Variants in ZNF180 observed in about 807,000 individuals in gnomAD.
ZNF180 encodes the protein zinc finger protein 180.
Under a neutral mutation model 11.8 loss-of-function variants are expected in ZNF180, and 11 were observed. The observed-to-expected ratio is 0.93, with a 90% CI of 0.59 to 1.55. ZNF180 has a LOEUF of 1.55. Ranked by LOEUF, ZNF180 falls within the 40% of genes most tolerant of loss-of-function variation. The probability of loss-of-function intolerance (pLI) is 0.00; values close to 1 mark genes in which losing one functional copy is unlikely to be tolerated. For missense variants in ZNF180, 773 were observed against 781.7 expected (o/e 0.99, Z 0.13); for synonymous variants, 287 against 257.7 (o/e 1.11, Z -1.09).
chr19:44,479,194 C>A, intron 4 of ZNF180, 89 bp downstream of exon 4: 1 of 1,480,116 alleles, frequency 6.8e-7, no homozygotes. Flanking sequence ...CAAAATCATT[C>A]TGGCTGCTGA....
At chr19:44,490,181 AGG>A (rs1970415396) in intron 2 of ZNF180, among the ~76,000 whole-genome samples, 1 of 93,888 alleles carries the variant, frequency 1.1e-5, no homozygotes, top group Admixed American at 1.2e-4. Context: ...GGAGGGAGGG[AGG>A]GAGGGAGGGA....
intron 1 of ZNF180, among the ~76,000 whole-genome samples, chr19:44,498,442 T>C (rs1039322258): frequency 6.6e-6 from 1 of 152,110 alleles, no homozygotes; most frequent in African/African-American, 2.4e-5. Flanking sequence ...ACCCAAACTG[T>C]TTCCTCCACC....
chr19:44,497,245 C>T (rs1211913484), intron 2 of ZNF180, 39 bp downstream of exon 2: 5 of 1,514,262 alleles, frequency 3.3e-6, no homozygotes, highest in Non-Finnish European at 4.4e-6. Flanking sequence ...CTGAGAGGGT[C>T]AGGCTGCAGA....
intron 3 of ZNF180, among the ~76,000 whole-genome samples, chr19:44,481,042 C>A (rs575118608): frequency 1.6e-4 from 25 of 152,232 alleles, no homozygotes; most frequent in Non-Finnish European, 2.4e-4. Context: ...GTTATTACTG[C>A]CATATAAATG....
chr19:44,489,290 A>G (rs1243528967), intron 2 of ZNF180, among the ~76,000 whole-genome samples: 12 of 139,998 alleles, frequency 8.6e-5, no homozygotes, highest in Non-Finnish European at 1.4e-4. Context: ...GTTTTGTGGA[A>G]TAGAAAAGGG....
At chr19:44,479,498 A>C in intron 3 of ZNF180, 89 bp from the exon 4 acceptor site, 1 of 1,542,276 alleles carries the variant, frequency 6.5e-7, no homozygotes, top group South Asian at 1.2e-5. Flanking sequence ...TGGAAAAAGG[A>C]AAATTGGTGA....
chr19:44,491,519 T>C (rs1428855584), intron 2 of ZNF180, among the ~76,000 whole-genome samples: 1 of 152,250 alleles, frequency 6.6e-6, no homozygotes, highest in East Asian at 1.9e-4. Context: ...TGCCTAGTAT[T>C]TTTAGTAATA....
At chr19:44,479,541 A>G (rs1035209670) in intron 3 of ZNF180, 132 bp from the exon 4 acceptor site, 29 of 1,268,134 alleles carry the variant, frequency 2.3e-5, no homozygotes, top group Non-Finnish European at 2.8e-5. Flanking sequence ...TCAGTGCCCA[A>G]AAGATTCCAG....
At position 44,477,161 on chromosome 19, in the gene ZNF180, A is replaced by G. The variant is rs1969923475; in HGVS notation, c.1239T>C (p.Asn413=). ...TCTGCCTGAATGACTTTCCACACTG[A>G]TTGCATTCATAAGGCTTCTCCCCAG... ...THTGEKPYEC[N]QCGKSFRQSY... Residue 413 remains asparagine, a synonymous_variant, in exon 5 of 5, where the codon AAT becomes AAC. Coordinates refer to ENST00000592529, the MANE Select transcript of ZNF180 (RefSeq NM_001278509.3). The G allele has an allele frequency of 6.2e-7, 1 of 1,613,060 alleles. No homozygotes were observed. Among genetic ancestry groups the G allele is most frequent in the Admixed American group, 1.7e-5 (1 of 59,976 alleles).
At position 44,476,141 on chromosome 19, in the gene ZNF180, G is replaced by A. The variant is rs561535751; in HGVS notation, c.*261C>T. ...CTGAGTGCTTTCTGCAAGGAAAAGT[G>A]CCAGTATTTATTATTTTCATAGGAA... On this transcript the variant is annotated 3_prime_UTR_variant, in exon 5 of 5. Coordinates refer to ENST00000592529, the MANE Select transcript of ZNF180 (RefSeq NM_001278509.3). The A allele has an allele frequency of 4.2e-5, 14 of 331,710 alleles. No individual in the cohort carries two copies. In the South Asian group the frequency reaches 9.7e-4, roughly 23 times the overall value. The allele number at this position is 331,710 out of a possible 1,614,324, so 20.5% of individuals were successfully genotyped here.
Position 44,476,626 on chromosome 19 carries a change from ATGAACTCTGTC to A in ZNF180, c.1763_1773del (p.Arg588MetfsTer16). 1 of 1,614,030 alleles carries A rather than the reference ATGAACTCTGTC, an allele frequency of 6.2e-7. No homozygotes were observed. Among genetic ancestry groups the A allele is most frequent in the Non-Finnish European group, 8.5e-7 (1 of 1,179,954 alleles). On this transcript the variant is annotated frameshift_variant, in exon 5 of 5. Coordinates refer to ENST00000592529, the MANE Select transcript of ZNF180 (RefSeq NM_001278509.3). LOFTEE classifies it low-confidence loss of function (END_TRUNC). Reference sequence around the variant, plus strand: ...TGAGTTCTCTGATGTTGAGTAAGGCATGAACTCTGTCTGAAGGACTTCCCACATTGACTGCA... The same window carrying A: ...TGAGTTCTCTGATGTTGAGTAAGGCATGAAGGACTTCCCACATTGACTGCA...
chr19:44,489,070 C>T (rs1445448675), intron 2 of ZNF180, among the ~76,000 whole-genome samples: 1 of 130,702 alleles, frequency 7.7e-6, no homozygotes, highest in Admixed American at 7.8e-5. Flanking sequence ...GGTCAGCCCC[C>T]GCCCGGCCAG....
In ZNF180 at chr19:44,495,742, C is replaced by T. The variant is rs1244095430; in HGVS notation, c.51+1542G>A. ...CTGACACCCACATTGGGCTGCACCA[C>T]GTGCACAAGCGACTTCTTCATTCCA... On this transcript the variant is annotated intron_variant, in intron 2 of 4. Coordinates refer to ENST00000592529, the MANE Select transcript of ZNF180 (RefSeq NM_001278509.3). This position sits in a 1 kb window ranked among gnomAD's most constrained non-coding sequence, Gnocchi z 4.5. Among the ~76,000 whole-genome samples, 1 of 152,142 alleles carries T rather than the reference C, an allele frequency of 6.6e-6. No individual in the cohort carries two copies. The highest frequency in any genetic ancestry group is 2.4e-5 in the African/African-American group (1 of 41,424).
In ZNF180 at chr19:44,476,361, AGAAT is replaced by A. The variant is rs1307070870; in HGVS notation, c.*37_*40del. ...ACTACCTTAAAATAAATTTTTTAAA[AGAAT>A]GAAATAAAAAGGAAGAAATCCCAGC... is the stretch of plus-strand genomic sequence containing the variant. On this transcript the variant is annotated 3_prime_UTR_variant, in exon 5 of 5. Coordinates refer to ENST00000592529, the MANE Select transcript of ZNF180 (RefSeq NM_001278509.3). 4.0e-6 allele frequency: 6 copies of A among 1,506,752 alleles called. No individual in the cohort carries two copies. The highest frequency in any genetic ancestry group is 3.5e-6 in the Non-Finnish European group (4 of 1,128,072). The allele number at this position is 1,506,752 out of a possible 1,614,324, so 93.3% of individuals were successfully genotyped here. A position where few individuals can be genotyped will look rare whatever the true frequency, so the allele number is the denominator to read the frequency against.
chr19:44,476,929 C>A lies in ZNF180; in HGVS notation c.1471G>T (p.Glu491Ter). ...CACTGATTACATTCAAAGGGTTTTT[C>A]TCCTGTGTGAGTTCTCTGATGAGCA... ...LVAHQRTHTG[E>*]KPFECNQCGK... is the part of the protein sequence containing the mutation. Residue 491 changes from glutamate to a stop codon, truncating the protein, a stop_gained, in exon 5 of 5, where the codon GAA becomes TAA. Transcript: ENST00000592529. LOFTEE classifies it low-confidence loss of function (END_TRUNC). 6.2e-7 allele frequency: 1 copy of A among 1,614,066 alleles called. No individual in the cohort carries two copies. Among genetic ancestry groups the A allele is most frequent in the Non-Finnish European group, 8.5e-7 (1 of 1,180,002 alleles).
chr19:44,496,766 C>T (rs1970598875), intron 2 of ZNF180: 1 of 150,332 alleles, frequency 6.7e-6, no homozygotes, highest in South Asian at 2.1e-4. Context: ...TGTTTGTTAA[C>T]TGATTGCTAT....
chr19:44,492,897 G>A (rs1568435500), intron 2 of ZNF180, among the ~76,000 whole-genome samples: 2 of 152,158 alleles, frequency 1.3e-5, no homozygotes, highest in South Asian at 4.1e-4. Flanking sequence ...CTGGAAGGTG[G>A]AGCTCACATT....
In ZNF180 at chr19:44,500,377, C is replaced by G; in HGVS notation, c.-146G>C. 9.2e-7 allele frequency: 1 copy of G among 1,086,382 alleles called. No homozygotes were observed. The highest frequency in any genetic ancestry group is 2.3e-4 in the Middle Eastern group (1 of 4,310). The allele number at this position is 1,086,382 out of a possible 1,614,324, so 67.3% of individuals were successfully genotyped here. A position where few individuals can be genotyped will look rare whatever the true frequency, so the allele number is the denominator to read the frequency against. ...ACTCGGGTTAGGCAACCCCCTGCCC[C>G]GATTCTGCAACACGGCCGACTCGGG... On this transcript the variant is annotated 5_prime_UTR_variant, in exon 1 of 5. Coordinates refer to ENST00000592529, the MANE Select transcript of ZNF180 (RefSeq NM_001278509.3).
rs926308493 is a variant in ZNF180, at chr19:44,477,106, G to A, written c.1294C>T (p.His432Tyr). ...SYKLIAHQRT[H>Y]TGEKPYECNQ... is the part of the protein sequence containing the mutation. ...CATTCATAGGGCTTCTCTCCGGTAT[G>A]TGTTCTTTGATGTGCAATAAGTTTA... Residue 432 changes from histidine to tyrosine, a missense_variant, in exon 5 of 5, where the codon CAT (histidine) becomes TAT (tyrosine). Coordinates refer to ENST00000592529, the MANE Select transcript of ZNF180 (RefSeq NM_001278509.3). The A allele has an allele frequency of 1.9e-6, 3 of 1,613,908 alleles. No individual in the cohort carries two copies. The highest frequency in any genetic ancestry group is 2.5e-6 in the Non-Finnish European group (3 of 1,179,858).
Sources: allele counts gnomAD v4.1 joint callset (sites outside exome capture counted in the v4.1 genomes callset), GRCh38; gene constraint gnomAD v4.1.1; non-coding constraint Gnocchi (gnomAD v3.1); transcripts MANE v1.5; gene names NCBI Gene and HGNC (gene_info 2026-07-23, HGNC 2026-07-21).